The following KHDRBS2 variants were observed in gnomAD, a reference collection of about 807,000 sequenced individuals.
KHDRBS2 encodes KH domain-containing, RNA-binding, signal transduction-associated protein 2.
A neutral mutation model predicts 44.3 loss-of-function variants in KHDRBS2; 26 were observed. The ratio of observed to expected loss-of-function variants is 0.59; its 90% CI spans 0.43 to 0.81. The LOEUF is 0.81. Among genes scored for constraint, KHDRBS2 ranks in the 40% least tolerant of loss-of-function variants. The pLI, the probability that KHDRBS2 is intolerant of heterozygous loss-of-function variation, is 0.00. For missense variants in KHDRBS2, 476 were observed against 433.1 expected (o/e 1.10, Z -0.88); for synonymous variants, 194 against 151.1 (o/e 1.28, Z -2.08).
intron 4 of KHDRBS2, among the ~76,000 whole-genome samples, chr6:61,917,061 C>A (rs1295760454): frequency 7.3e-6 from 1 of 137,724 alleles, no homozygotes; most frequent in Non-Finnish European, 1.5e-5. Context: ...ACTAAACATA[C>A]TCTTACCATA....
At chr6:62,078,743 G>T (rs1465391404) in intron 2 of KHDRBS2, among the ~76,000 whole-genome samples, 4 of 151,878 alleles carry the variant, frequency 2.6e-5, no homozygotes, top group African/African-American at 7.2e-5. Flanking sequence ...TTATACCACA[G>T]AAAGTACATT....
At chr6:62,281,063 A>T (rs1328540934) in intron 1 of KHDRBS2, among the ~76,000 whole-genome samples, 1 of 152,180 alleles carries the variant, frequency 6.6e-6, no homozygotes, top group Non-Finnish European at 1.5e-5. Context: ...TAGGTCTGAA[A>T]TTACTCTTGA....
At chr6:62,083,021 C>T (rs1797699226) in intron 2 of KHDRBS2, among the ~76,000 whole-genome samples, 1 of 152,070 alleles carries the variant, frequency 6.6e-6, no homozygotes, top group East Asian at 1.9e-4. Flanking sequence ...GGGCAGGGTC[C>T]CTGGTGAGGA....
intron 1 of KHDRBS2, among the ~76,000 whole-genome samples, chr6:62,217,705 T>C (rs955568432): frequency 5.3e-5 from 8 of 151,882 alleles, no homozygotes; most frequent in Admixed American, 3.3e-4. Flanking sequence ...TTGTCTTACA[T>C]ATGTAACAAT....
chr6:61,827,082 TG>T (rs1790999537), intron 6 of KHDRBS2, among the ~76,000 whole-genome samples: 1 of 152,258 alleles, frequency 6.6e-6, no homozygotes, highest in Admixed American at 6.5e-5. Context: ...CACCTCGTGC[TG>T]GAAGTATATA....
intron 6 of KHDRBS2, among the ~76,000 whole-genome samples, chr6:61,801,108 G>T (rs550312941): frequency 3.3e-5 from 5 of 152,166 alleles, no homozygotes; most frequent in South Asian, 2.1e-4. Flanking sequence ...AACATATTTT[G>T]TACATTACAC....
intron 4 of KHDRBS2, among the ~76,000 whole-genome samples, chr6:61,927,236 G>A (rs1809147552): frequency 6.6e-6 from 1 of 151,946 alleles, no homozygotes; most frequent in South Asian, 2.1e-4. Flanking sequence ...TAAATGGAAA[G>A]TACAACTTTG....
intron 3 of KHDRBS2, among the ~76,000 whole-genome samples, chr6:62,037,703 A>G (rs183866807): frequency 5.6e-4 from 85 of 152,032 alleles, no homozygotes; most frequent in African/African-American, 1.7e-3. Context: ...TTAAAACCCT[A>G]TAGTGATGCT....
intron 1 of KHDRBS2, among the ~76,000 whole-genome samples, chr6:62,180,220 A>G (rs1372563491): frequency 6.6e-6 from 1 of 151,950 alleles, no homozygotes; most frequent in East Asian, 1.9e-4. Context: ...AAGGGGAAAA[A>G]TAGGCATCCA....
At chr6:61,710,072 T>C (rs1770247753) in intron 7 of KHDRBS2, among the ~76,000 whole-genome samples, 1 of 151,678 alleles carries the variant, frequency 6.6e-6, no homozygotes, top group African/African-American at 2.4e-5. Context: ...CACTTGTTAC[T>C]TATTAAGAAA....
the KHDRBS2 span, among the ~76,000 whole-genome samples, chr6:61,639,433 T>C: frequency 6.6e-6 from 1 of 152,096 alleles, no homozygotes; most frequent in Non-Finnish European, 1.5e-5. Context: ...TGAACATTTT[T>C]CTATCACAGA....
chr6:61,553,317 T>A, the KHDRBS2 span, among the ~76,000 whole-genome samples: 5 of 151,964 alleles, frequency 3.3e-5, no homozygotes, highest in South Asian at 4.1e-4. Context: ...TCTCTGAGAG[T>A]TTTTTTGTTG....
chr6:61,543,174 C>A, the KHDRBS2 span, among the ~76,000 whole-genome samples: 11 of 152,016 alleles, frequency 7.2e-5, no homozygotes, highest in South Asian at 2.3e-3. Flanking sequence ...AATGGACAGA[C>A]AACCCAAAGA....
At chr6:61,778,102 A>G (rs1308531352) in intron 6 of KHDRBS2, among the ~76,000 whole-genome samples, 5 of 152,196 alleles carry the variant, frequency 3.3e-5, no homozygotes, top group Admixed American at 1.3e-4. Flanking sequence ...GCAATCAGGC[A>G]AGAAAAATAT....
At chr6:61,545,955 A>T in the KHDRBS2 span, among the ~76,000 whole-genome samples, 1 of 152,228 alleles carries the variant, frequency 6.6e-6, no homozygotes, top group South Asian at 2.1e-4. Flanking sequence ...CTGATTTTGG[A>T]CTTCCAGTCC....
At chr6:62,177,464 C>T in intron 1 of KHDRBS2, 152 bp from the exon 2 acceptor site, 3 of 599,170 alleles carry the variant, frequency 5.0e-6, no homozygotes, top group Non-Finnish European at 8.5e-6. Flanking sequence ...AACAGCATCT[C>T]ACCAACAGTT....
At chr6:62,232,153 C>G (rs1832994901) in intron 1 of KHDRBS2, among the ~76,000 whole-genome samples, 1 of 152,016 alleles carries the variant, frequency 6.6e-6, no homozygotes, top group Admixed American at 6.6e-5. Context: ...CTTATTTACA[C>G]CAACTTTCAA....
At chr6:62,199,629 G>A (rs1826485470) in intron 1 of KHDRBS2, among the ~76,000 whole-genome samples, 1 of 152,180 alleles carries the variant, frequency 6.6e-6, no homozygotes, top group African/African-American at 2.4e-5. Flanking sequence ...TGGGTAGGAA[G>A]ACTCAATATC....
At chr6:61,638,813 A>C in the KHDRBS2 span, among the ~76,000 whole-genome samples, 1 of 152,082 alleles carries the variant, frequency 6.6e-6, no homozygotes, top group Non-Finnish European at 1.5e-5. Flanking sequence ...AAAAGTTTGG[A>C]GTTTGAGGTT....
Sources: allele counts gnomAD v4.1 joint callset (sites outside exome capture counted in the v4.1 genomes callset), GRCh38; gene constraint gnomAD v4.1.1; transcripts MANE v1.5; gene names NCBI Gene and HGNC (gene_info 2026-07-23, HGNC 2026-07-21).